The following KNDC1 variants were observed in gnomAD, a reference collection of about 807,000 sequenced individuals.
KNDC1 encodes the protein kinase non-catalytic C-lobe domain-containing protein 1.
A neutral mutation model predicts 172.8 loss-of-function variants in KNDC1; 106 were observed. That is an observed-to-expected ratio of 0.61 (90% CI 0.52 to 0.72). The LOEUF (loss-of-function observed/expected upper bound fraction) is 0.72. KNDC1 is among the 30% of genes least tolerant of loss of function. KNDC1 has a pLI of 0.00. For synonymous variants in KNDC1, 1,083 were observed against 1,062.2 expected (o/e 1.02, Z -0.38); for missense variants, 2,325 against 2,394.5 (o/e 0.97, Z 0.61).
chr10:133,215,909 A>C (rs1845460866), intron 26 of KNDC1, among the ~76,000 whole-genome samples: 1 of 152,232 alleles, frequency 6.6e-6, no homozygotes, highest in Non-Finnish European at 1.5e-5. Flanking sequence ...CGTTAGCAAA[A>C]GGGAGCTGCG....
In KNDC1 at chr10:133,199,181, G is replaced by A. The variant is rs369278982; in HGVS notation, c.2673G>A (p.Pro891=). The change falls in exon 14 of 30, where the codon CCG becomes CCA. Residue 891 remains proline (P), a synonymous_variant. Transcript: ENST00000304613. ...CACTCCCAGGGAGGACGGCCTGCCC[G>A]TCGCTGCAGGAGGCCACGCGCCTCA... ...ASPLPGRTAC[P]SLQEATRLIQ... 5.1e-5 allele frequency: 82 copies of A among 1,595,030 alleles called. No homozygotes were observed. Among genetic ancestry groups the A allele is most frequent in the African/African-American group, 3.6e-4 (27 of 74,622 alleles).
At chr10:133,210,538 C>T in intron 20 of KNDC1, 73 bp from the exon 21 acceptor site, 1 of 862,312 alleles carries the variant, frequency 1.2e-6, no homozygotes, top group Non-Finnish European at 2.0e-6. Context: ...AGTCACACCC[C>T]ACCACCGAAC....
In KNDC1 at chr10:133,201,755, G is replaced by C. The variant is rs567311841; in HGVS notation, c.3244G>C (p.Gly1082Arg). 1.9e-6 allele frequency: 3 copies of C among 1,567,306 alleles called. No individual in the cohort carries two copies. Among genetic ancestry groups the C allele is most frequent in the Non-Finnish European group, 2.6e-6 (3 of 1,158,006 alleles). The change falls in exon 17 of 30, where the codon GGC becomes CGC. Residue 1082 changes from glycine (G) to arginine (R), a missense_variant. Coordinates refer to ENST00000304613, the MANE Select transcript of KNDC1 (RefSeq NM_152643.8). ...SKGVGPALSP[G>R]PAGFQSCSPG... ...AGGGGTCGGCCCAGCCTTGTCCCCCGGCCCAGCCGGATTCCAGAGCTGCAG... is the reference window on the plus strand; with the variant it reads ...AGGGGTCGGCCCAGCCTTGTCCCCCCGCCCAGCCGGATTCCAGAGCTGCAG...
intron 3 of KNDC1, among the ~76,000 whole-genome samples, chr10:133,182,152 G>A (rs1271359091): frequency 2.6e-5 from 4 of 152,162 alleles, no homozygotes; most frequent in Non-Finnish European, 5.9e-5. Flanking sequence ...CTAGCCTGGG[G>A]CCGCGGGATG....
chr10:133,198,333 C>A lies in KNDC1; in HGVS notation c.1907-4C>A. On this transcript the variant is annotated splice_polypyrimidine_tract_variant and splice_region_variant and intron_variant, in intron 12 of 29. Coordinates refer to ENST00000304613, the MANE Select transcript of KNDC1 (RefSeq NM_152643.8). The stretch of plus-strand genomic sequence containing the variant: ...CCCACACCCTCAGCCCCCTGGCTCC[C>A]CAGGCTTCCTGCCGGTGAACAGCGA... 6.4e-7 allele frequency: 1 copy of A among 1,567,636 alleles called. No homozygotes were observed. The highest frequency in any genetic ancestry group is 8.6e-7 in the Non-Finnish European group (1 of 1,157,876).
At chr10:133,177,834 C>A (rs187439248) in intron 3 of KNDC1, among the ~76,000 whole-genome samples, 8 of 149,326 alleles carry the variant, frequency 5.4e-5, no homozygotes, top group Admixed American at 4.0e-4. Context: ...GTAATGTGTG[C>A]GTGCATGCAT....
Position 133,180,949 on chromosome 10 carries a change from A to G in KNDC1, c.361-2395A>G, listed in dbSNP as rs1407063109. On this transcript the variant is annotated intron_variant, in intron 3 of 29. Coordinates refer to ENST00000304613, the MANE Select transcript of KNDC1 (RefSeq NM_152643.8). ...GAGACTGGCTGCGGCTGGTGAGTAA[A>G]CCGGACGGTCATTTATCAGGAGGGT... Among the ~76,000 whole-genome samples the G allele has an allele frequency of 7.9e-5, 12 of 152,186 alleles. No individual in the cohort carries two copies. The East Asian group carries it at 1.7e-3, about 22-fold the overall frequency.
intron 23 of KNDC1, 86 bp downstream of exon 23, chr10:133,211,944 C>T: frequency 1.6e-6 from 2 of 1,281,440 alleles, no homozygotes; most frequent in African/African-American, 1.5e-5. Flanking sequence ...CTGGTGCATG[C>T]ACACACATAC....
intron 9 of KNDC1, among the ~76,000 whole-genome samples, chr10:133,194,630 G>A (rs773871709): frequency 3.3e-5 from 5 of 152,150 alleles, no homozygotes; most frequent in South Asian, 2.1e-4. Context: ...GGCTGTCTGC[G>A]TCTGCTGTGC....
At chr10:133,219,378 A>G (rs1168862560) in intron 28 of KNDC1, among the ~76,000 whole-genome samples, 1 of 152,308 alleles carries the variant, frequency 6.6e-6, no homozygotes, top group East Asian at 1.9e-4. Flanking sequence ...CTGGGGCCTG[A>G]GCTTGACCGA....
At chr10:133,206,324 G>C (rs572393531) in intron 17 of KNDC1, among the ~76,000 whole-genome samples, 1 of 152,402 alleles carries the variant, frequency 6.6e-6, no homozygotes, top group African/African-American at 2.4e-5. Context: ...ATGTGCACTT[G>C]GGGGCCCAGA....
rs1035539749 is a variant in KNDC1 at position 133,189,053 on chromosome 10, A to G, written c.1441+400A>G. On this transcript the variant is annotated intron_variant, in intron 7 of 29. Transcript: ENST00000304613. The stretch of plus-strand genomic sequence containing the variant: ...TGACATTGTCCCCAGGGAGGCAGCA[A>G]TTGGCTTTGGAGTGGGGAGGGAATC... 4.6e-5 allele frequency among the ~76,000 whole-genome samples: 7 copies of G among 151,986 alleles called. No homozygotes were observed. In the East Asian group the frequency reaches 7.8e-4, roughly 17 times the overall value.
rs372794138 is a variant in KNDC1, at chr10:133,206,967, G to A, written c.3579+14G>A. 102 of 1,611,436 alleles carry A rather than the reference G, an allele frequency of 6.3e-5. No individual in the cohort carries two copies. The highest frequency in any genetic ancestry group is 1.3e-4 in the African/African-American group (10 of 74,898). On this transcript the variant is annotated intron_variant, in intron 19 of 29. Coordinates refer to ENST00000304613, the MANE Select transcript of KNDC1 (RefSeq NM_152643.8). ...AAGTATCTGCAGGCAAGTGGGCTCC[G>A]GGCCCCGCTCTGCCCCGTGAGGCAG...
intron 1 of KNDC1, among the ~76,000 whole-genome samples, chr10:133,162,447 C>T (rs968389098): frequency 3.9e-5 from 6 of 152,202 alleles, no homozygotes; most frequent in Admixed American, 2.0e-4. Context: ...ATGCAGGCTT[C>T]ATAAGATGTA....
At chr10:133,212,625 C>T in intron 23 of KNDC1, 91 bp from the exon 24 acceptor site, 1 of 1,113,182 alleles carries the variant, frequency 9.0e-7, no homozygotes, top group African/African-American at 1.5e-5. Context: ...TGCACCTGGC[C>T]TGGTCCTCAC....
rs111068462 is a variant in KNDC1, at chr10:133,177,698, T to A, written c.361-5646T>A. 8.0e-3 allele frequency among the ~76,000 whole-genome samples: 1,212 copies of A among 151,620 alleles called. 22 individuals carry two copies. Among genetic ancestry groups the A allele is most frequent in the African/African-American group, 0.028 (1,142 of 40,970 alleles). On this transcript the variant is annotated intron_variant, in intron 3 of 29. Coordinates refer to ENST00000304613, the MANE Select transcript of KNDC1 (RefSeq NM_152643.8). ...ATATCATGGGCACATGTGTGTAATG[T>A]GTGTGTCCATGCATGTGGTATGGTG...
At chr10:133,187,691 C>T (rs1398999894) in intron 6 of KNDC1, among the ~76,000 whole-genome samples, 4 of 152,232 alleles carry the variant, frequency 2.6e-5, no homozygotes, top group Admixed American at 2.0e-4. Context: ...CCCAGCTGTC[C>T]GTGAGGCCTT....
chr10:133,160,412 G>C lies in KNDC1; in HGVS notation c.-56G>C, dbSNP rs1378303214. The C allele has an allele frequency of 9.6e-6, 11 of 1,144,816 alleles. No homozygotes were observed. Among genetic ancestry groups the C allele is most frequent in the Non-Finnish European group, 1.3e-5 (11 of 879,416 alleles). 70.9% of individuals were successfully genotyped at this position (1,144,816 alleles called of 1,614,324 possible). On this transcript the variant is annotated 5_prime_UTR_variant, in exon 1 of 30. Coordinates refer to ENST00000304613, the MANE Select transcript of KNDC1 (RefSeq NM_152643.8). The stretch of plus-strand genomic sequence containing the variant: ...CCATGGAGCCAGGGCGCGCGTAGCC[G>C]AGCCCAGCCCAGCCCAGCCGGAGGC...
chr10:133,164,470 A>G (rs1853081603), intron 1 of KNDC1, among the ~76,000 whole-genome samples: 1 of 152,166 alleles, frequency 6.6e-6, no homozygotes. Flanking sequence ...TGCTGGGCAG[A>G]CAGGTGCGCA....
Sources: allele counts gnomAD v4.1 joint callset (sites outside exome capture counted in the v4.1 genomes callset), GRCh38; gene constraint gnomAD v4.1.1; transcripts MANE v1.5; gene names NCBI Gene and HGNC (gene_info 2026-07-23, HGNC 2026-07-21).